ITSN1: variants seen among roughly 807,000 people sequenced by gnomAD.
ITSN1 encodes intersectin-1.
ITSN1 carries 58 observed loss-of-function variants against 239.8 expected under a neutral mutation model. That is an observed-to-expected ratio of 0.24 (90% CI 0.20 to 0.30). ITSN1 has a LOEUF of 0.30. Among genes scored for constraint, ITSN1 ranks in the 10% least tolerant of loss-of-function variants. ITSN1 has a pLI of 1.00. For synonymous variants in ITSN1, 780 were observed against 770.8 expected, an observed-to-expected ratio of 1.01 and a Z score of -0.20; for missense variants, 1,558 against 2,103.3, an observed-to-expected ratio of 0.74 and a Z score of 5.07.
intron 16 of ITSN1, among the ~76,000 whole-genome samples, chr21:33,783,361 T>C (rs1183186692): frequency 6.6e-6 from 1 of 152,228 alleles, no homozygotes; most frequent in African/African-American, 2.4e-5. Flanking sequence ...GAGTTTGAGG[T>C]ATGTGTGCTG....
chr21:33,828,934 T>C, intron 26 of ITSN1: 1 of 471,120 alleles, frequency 2.1e-6, no homozygotes, highest in South Asian at 1.6e-5. Flanking sequence ...CTGTGCTGAA[T>C]TGTTTTTGCA....
At chr21:33,650,030 GA>G (rs1165691619) in intron 1 of ITSN1, among the ~76,000 whole-genome samples, 469 of 89,928 alleles carry the variant, frequency 5.2e-3, no homozygotes, top group Admixed American at 8.7e-3. Context: ...CTCTGTCTCA[GA>G]AAAAAAAAAA....
At chr21:33,852,856 A>G (rs927062776) in intron 29 of ITSN1, among the ~76,000 whole-genome samples, 5 of 152,186 alleles carry the variant, frequency 3.3e-5, no homozygotes, top group African/African-American at 4.8e-5. Flanking sequence ...TGTTTATCCT[A>G]GGACCCAAAA....
chr21:33,723,671 A>G (rs1432634508), intron 4 of ITSN1, among the ~76,000 whole-genome samples: 1 of 152,164 alleles, frequency 6.6e-6, no homozygotes, highest in Non-Finnish European at 1.5e-5. Flanking sequence ...TCCCAGGTGT[A>G]CCATTTTCAG....
At chr21:33,800,566 T>C (rs1274459104) in intron 19 of ITSN1, among the ~76,000 whole-genome samples, 1 of 152,196 alleles carries the variant, frequency 6.6e-6, no homozygotes, top group Admixed American at 6.5e-5. Flanking sequence ...TCTGCTTTCC[T>C]ACTTTGTAAC....
intron 1 of ITSN1, among the ~76,000 whole-genome samples, chr21:33,711,782 A>C (rs754459792): frequency 2.9e-4 from 44 of 152,054 alleles, no homozygotes; most frequent in Non-Finnish European, 5.4e-4. Flanking sequence ...AGAATGTAGA[A>C]GGCTTGCAGC....
At chr21:33,821,695 A>G (rs1455382629) in intron 24 of ITSN1, among the ~76,000 whole-genome samples, 1 of 152,198 alleles carries the variant, frequency 6.6e-6, no homozygotes, top group African/African-American at 2.4e-5. Context: ...TATATTTTAT[A>G]CTGCAATACC....
Position 33,739,181 on chromosome 21 carries a change from C to T in ITSN1, c.346+3977C>T, listed in dbSNP as rs567799417. Among the ~76,000 whole-genome samples the T allele has an allele frequency of 5.2e-4, 79 of 152,254 alleles. No individual in the cohort carries two copies. The Middle Eastern group carries it at 0.01, about 20-fold the overall frequency. On this transcript the variant is annotated intron_variant, in intron 5 of 39. Coordinates refer to ENST00000381318, the MANE Select transcript of ITSN1 (RefSeq NM_003024.3). ...ACAATGATTTTGTTCAACTCCCCTA[C>T]AGAGAAGAGAGAAAAATGGGGTGCA...
intron 1 of ITSN1, among the ~76,000 whole-genome samples, chr21:33,678,148 C>T (rs1160130153): frequency 1.3e-5 from 2 of 152,170 alleles, no homozygotes; most frequent in African/African-American, 4.8e-5. Flanking sequence ...CCTAACATGT[C>T]TCTTTCTATC....
In ITSN1 at chr21:33,865,062, A is replaced by ACC. The variant is rs1981321617; in HGVS notation, c.3891-88_3891-87insCC. ...TGGCCCTTAAGGCTGTGCCCCTCACACACATTCTGTTTCTGTGCAACCTAA... is the reference window on the plus strand; with the variant it reads ...TGGCCCTTAAGGCTGTGCCCCTCACACCCACATTCTGTTTCTGTGCAACCTAA... On this transcript the variant is annotated intron_variant, in intron 31 of 39. Transcript: ENST00000381318. The surrounding 1 kb of genome is among the most constrained non-coding windows in gnomAD (Gnocchi z 4.4). 1 of 1,320,108 alleles carries ACC rather than the reference A, an allele frequency of 7.6e-7. No individual in the cohort carries two copies. The highest frequency in any genetic ancestry group is 1.5e-5 in the African/African-American group (1 of 68,138). The allele number at this position is 1,320,108 out of a possible 1,614,324, so 81.8% of individuals were successfully genotyped here.
chr21:33,883,860 C>T (rs983652265), intron 36 of ITSN1, among the ~76,000 whole-genome samples, 189 bp downstream of exon 36: 5 of 149,152 alleles, frequency 3.4e-5, no homozygotes, highest in African/African-American at 9.9e-5. Flanking sequence ...ATGCCCTTTC[C>T]AAAATAACAT....
At chr21:33,815,911 G>A (rs1183526760) in intron 22 of ITSN1, among the ~76,000 whole-genome samples, 4 of 152,204 alleles carry the variant, frequency 2.6e-5, no homozygotes, top group South Asian at 2.1e-4. Flanking sequence ...GAATTGGGCC[G>A]GCGCGGTGGC....
At chr21:33,738,562 C>A (rs538507188) in intron 5 of ITSN1, among the ~76,000 whole-genome samples, 1 of 151,952 alleles carries the variant, frequency 6.6e-6, no homozygotes, top group African/African-American at 2.4e-5. Context: ...CCACCACACC[C>A]GGCTAATTTT....
At chr21:33,864,370 C>T (rs956873211) in intron 31 of ITSN1, among the ~76,000 whole-genome samples, 7 of 152,172 alleles carry the variant, frequency 4.6e-5, no homozygotes, top group Non-Finnish European at 5.9e-5. Flanking sequence ...CAGTGCCATG[C>T]CCTTCTTCCA....
At chr21:33,776,306 C>T (rs2069602839) in intron 14 of ITSN1, among the ~76,000 whole-genome samples, 1 of 150,398 alleles carries the variant, frequency 6.6e-6, no homozygotes, top group Admixed American at 6.7e-5. Flanking sequence ...AAACCCAATA[C>T]TTTGAGAGGG....
chr21:33,791,665 A>G (rs1194701457), intron 16 of ITSN1, among the ~76,000 whole-genome samples: 1 of 152,186 alleles, frequency 6.6e-6, no homozygotes, highest in African/African-American at 2.4e-5. Context: ...CAGTTACAAG[A>G]GCCTAGTATA....
At chr21:33,849,710 C>G (rs1210543010) in intron 29 of ITSN1, among the ~76,000 whole-genome samples, 2 of 152,048 alleles carry the variant, frequency 1.3e-5, no homozygotes, top group Non-Finnish European at 2.9e-5. Context: ...GGGACGGATA[C>G]CCCATTCTTA....
intron 1 of ITSN1, among the ~76,000 whole-genome samples, chr21:33,686,487 G>A (rs1568936014): frequency 6.6e-6 from 1 of 152,148 alleles, no homozygotes; most frequent in Non-Finnish European, 1.5e-5. Flanking sequence ...AGTCTGGCTG[G>A]GTGGGTAAGT....
At chr21:33,787,319 T>C (rs2070753963) in intron 16 of ITSN1, among the ~76,000 whole-genome samples, 1 of 152,218 alleles carries the variant, frequency 6.6e-6, no homozygotes, top group Non-Finnish European at 1.5e-5. Context: ...ATTCCAAATG[T>C]GTATAGCATT....
Sources: allele counts gnomAD v4.1 joint callset (sites outside exome capture counted in the v4.1 genomes callset), GRCh38; gene constraint gnomAD v4.1.1; non-coding constraint Gnocchi (gnomAD v3.1); transcripts MANE v1.5; gene names NCBI Gene and HGNC (gene_info 2026-07-23, HGNC 2026-07-21).